The following PRR16 variants were observed in gnomAD, a reference collection of about 807,000 sequenced individuals.
PRR16 encodes protein Largen.
A neutral mutation model predicts 18.2 loss-of-function variants in PRR16; 6 were observed. The ratio of observed to expected loss-of-function variants is 0.33; its 90% CI spans 0.18 to 0.65. PRR16 has a LOEUF of 0.65. Among genes scored for constraint, PRR16 ranks in the 30% least tolerant of loss-of-function variants. PRR16 has a pLI of 0.74. For missense variants in PRR16, 412 were observed against 376.6 expected, an observed-to-expected ratio of 1.09 and a Z score of -0.78; for synonymous variants, 151 against 147.8, an observed-to-expected ratio of 1.02 and a Z score of -0.16.
chr5:120,781,318 A>C, the PRR16 span: 1 of 152,190 alleles, frequency 6.6e-6, no homozygotes, highest in Admixed American at 6.5e-5. Context: ...GTGACATAGA[A>C]GCATTTATAA....
intron 1 of PRR16, among the ~76,000 whole-genome samples, chr5:120,537,377 G>A (rs974939403): frequency 8.5e-5 from 13 of 152,050 alleles, no homozygotes; most frequent in African/African-American, 3.1e-4. Flanking sequence ...CTAGACTAGG[G>A]TATAATGTTA....
At chr5:120,464,962 C>T (rs1255199359) in intron 1 of PRR16, among the ~76,000 whole-genome samples, 2 of 152,054 alleles carry the variant, frequency 1.3e-5, no homozygotes, top group East Asian at 1.9e-4. Context: ...GGTGTGTCGG[C>T]AGAGGAAGTC....
At chr5:120,667,555 A>G (rs926432667) in intron 1 of PRR16, among the ~76,000 whole-genome samples, 2 of 150,378 alleles carry the variant, frequency 1.3e-5, no homozygotes, top group Admixed American at 1.3e-4. Context: ...TTAGGGTGTC[A>G]ATTTTGGATT....
intron 1 of PRR16, among the ~76,000 whole-genome samples, chr5:120,590,508 A>AGC (rs1249384582): frequency 1.5e-4 from 6 of 39,236 alleles, no homozygotes; most frequent in Non-Finnish European, 2.7e-4. Flanking sequence ...AGCCTGATTC[A>AGC]GTGTTGAAGT....
At chr5:120,769,398 T>C in the PRR16 span, among the ~76,000 whole-genome samples, 21,804 of 151,686 alleles carry the variant, frequency 0.14, 2,294 homozygotes, top group African/African-American at 0.3. Context: ...TAATAAATTT[T>C]GAAGGGCATA....
the PRR16 span, among the ~76,000 whole-genome samples, chr5:120,703,887 A>C: frequency 3.7e-3 from 571 of 152,322 alleles, 2 homozygotes; most frequent in African/African-American, 0.013. Context: ...ATAGCTGTCG[A>C]TTATGTAATA....
At chr5:120,742,302 C>G in the PRR16 span, among the ~76,000 whole-genome samples, 1 of 116,672 alleles carries the variant, frequency 8.6e-6, no homozygotes. Context: ...TTGCATCTGT[C>G]TTTTATAGTT....
At chr5:120,767,580 T>A in the PRR16 span, among the ~76,000 whole-genome samples, 1 of 151,876 alleles carries the variant, frequency 6.6e-6, no homozygotes. Flanking sequence ...CTAAATTCAG[T>A]AATCTCACCT....
At chr5:120,544,904 C>T (rs1210345507) in intron 1 of PRR16, among the ~76,000 whole-genome samples, 2 of 152,118 alleles carry the variant, frequency 1.3e-5, no homozygotes, top group Non-Finnish European at 2.9e-5. Flanking sequence ...ATATGATTTT[C>T]CCACATACAG....
intron 1 of PRR16, among the ~76,000 whole-genome samples, chr5:120,484,553 A>G (rs1390056683): frequency 1.4e-5 from 2 of 145,886 alleles, no homozygotes; most frequent in Non-Finnish European, 3.0e-5. Flanking sequence ...ATATAATTAT[A>G]TATTGTATAT....
rs1323994973 is a variant in PRR16 at position 120,554,026 on chromosome 5, A to G, written c.159+89381A>G. On this transcript the variant is annotated intron_variant, in intron 1 of 1. Coordinates refer to ENST00000407149, the MANE Select transcript of PRR16 (RefSeq NM_001300783.2). ...AAAATTAGTTAAATCCATGGAATGA[A>G]TACTAACTAAATTCACAGATAATAC... Among the ~76,000 whole-genome samples the G allele has an allele frequency of 2.0e-5, 3 of 151,924 alleles. No individual in the cohort carries two copies. In the East Asian group the frequency reaches 5.8e-4, roughly 29 times the overall value.
chr5:120,487,677 A>G (rs568489036), intron 1 of PRR16, among the ~76,000 whole-genome samples: 125 of 152,244 alleles, frequency 8.2e-4, no homozygotes, highest in African/African-American at 2.9e-3. Context: ...AGAACTTCCA[A>G]CACTATGTTG....
At chr5:120,672,671 A>G (rs1011166339) in intron 1 of PRR16, among the ~76,000 whole-genome samples, 2 of 152,102 alleles carry the variant, frequency 1.3e-5, no homozygotes, top group African/African-American at 4.8e-5. Context: ...TTCTTATTAC[A>G]TTACTGTGAT....
In PRR16 at chr5:120,624,900, T is replaced by C. The variant is rs149950423; in HGVS notation, c.160-61054T>C. 5.4e-3 allele frequency among the ~76,000 whole-genome samples: 820 copies of C among 152,140 alleles called. 10 individuals are homozygous for C. The highest frequency in any genetic ancestry group is 0.018 in the African/African-American group (766 of 41,492). ...GTGATAATGAATAAGTCTCATGAGATCTGATGGTTTTAAAAAGGAGAGGTT... is the reference window on the plus strand; with the variant it reads ...GTGATAATGAATAAGTCTCATGAGACCTGATGGTTTTAAAAAGGAGAGGTT... On this transcript the variant is annotated intron_variant, in intron 1 of 1. Transcript: ENST00000407149.
intron 1 of PRR16, among the ~76,000 whole-genome samples, chr5:120,567,627 C>G (rs113737774): frequency 6.6e-6 from 1 of 152,086 alleles, no homozygotes; most frequent in African/African-American, 2.4e-5. Context: ...TTCCCACTTG[C>G]TCTTCTCATG....
chr5:120,765,758 A>ATAT, the PRR16 span, among the ~76,000 whole-genome samples: 1 of 152,018 alleles, frequency 6.6e-6, no homozygotes, highest in East Asian at 1.9e-4. Context: ...CAAAGCCCCC[A>ATAT]TATGCCTTTT....
At chr5:120,570,898 T>TA (rs763579050) in intron 1 of PRR16, among the ~76,000 whole-genome samples, 16 of 151,954 alleles carry the variant, frequency 1.1e-4, no homozygotes, top group Non-Finnish European at 1.3e-4. Context: ...AATAAAATTA[T>TA]AAAAAAAGTA....
the PRR16 span, among the ~76,000 whole-genome samples, chr5:120,714,107 ATATATT>A: frequency 6.6e-6 from 1 of 152,084 alleles, no homozygotes; most frequent in African/African-American, 2.4e-5. Context: ...TTTGTGCTTG[ATATATT>A]TATAATATGA....
At chr5:120,664,669 C>T (rs1202283907) in intron 1 of PRR16, among the ~76,000 whole-genome samples, 2 of 151,942 alleles carry the variant, frequency 1.3e-5, no homozygotes, top group African/African-American at 2.4e-5. Context: ...CATGTGTTCT[C>T]ATTGTTCAAT....
Sources: gnomAD v4.1 joint callset for allele counts (sites outside exome capture counted in the v4.1 genomes callset) on GRCh38, gnomAD v4.1.1 for gene constraint, MANE v1.5 for transcripts, NCBI Gene and HGNC (gene_info 2026-07-23, HGNC 2026-07-21) for gene names.